Variants in MYO15A observed in about 807,000 individuals in gnomAD.
MYO15A encodes the protein myosin XVA.
Under a neutral mutation model 394.6 loss-of-function variants are expected in MYO15A, and 308 were observed. The ratio of observed to expected loss-of-function variants is 0.78; its 90% CI spans 0.71 to 0.86. MYO15A has a LOEUF of 0.86. MYO15A is among the 40% of genes least tolerant of loss of function. The pLI is 0.00. For missense variants in MYO15A, 4,606 were observed against 4,799.1 expected (o/e 0.96, Z 1.19); for synonymous variants, 1,957 against 2,003.8 (o/e 0.98, Z 0.62).
Position 18,149,584 on chromosome 17 carries a change from G to A in MYO15A, c.7212+4G>A. The A allele has an allele frequency of 6.2e-7, 1 of 1,613,848 alleles. No homozygotes were observed. The highest frequency in any genetic ancestry group is 1.3e-5 in the African/African-American group (1 of 75,038). ...TGTGCTGTCCTACGGGGATGCGGTAGGGATGGTGTGGGGTGGGTCATTTGC... is the reference window on the plus strand; with the variant it reads ...TGTGCTGTCCTACGGGGATGCGGTAAGGATGGTGTGGGGTGGGTCATTTGC... On this transcript the variant is annotated splice_donor_region_variant and intron_variant, in intron 35 of 65. Transcript: ENST00000647165.
Position 18,159,566 on chromosome 17 carries a change from G to C in MYO15A, c.9230-40G>C. 2.5e-6 allele frequency: 4 copies of C among 1,609,776 alleles called. No individual in the cohort carries two copies. In the South Asian group the frequency reaches 3.3e-5, roughly 13 times the overall value. On this transcript the variant is annotated intron_variant, in intron 54 of 65. Coordinates refer to ENST00000647165, the MANE Select transcript of MYO15A (RefSeq NM_016239.4). Reference sequence around the variant, plus strand: ...GCTTCCTGGGGTGGGTGGGCAACTGGGGGTTTGGTGGGTCTGAGTGGGATA... The same window carrying C: ...GCTTCCTGGGGTGGGTGGGCAACTGCGGGTTTGGTGGGTCTGAGTGGGATA...
rs1567652125 is a variant in MYO15A, at chr17:18,150,528, C to G, written c.7312C>G (p.Pro2438Ala). Residue 2438 changes from proline to alanine, a missense_variant, in exon 36 of 66, where the codon CCA becomes GCA. Physicochemically the swap from Pro to Ala is conservative, Grantham distance 27. Coordinates refer to ENST00000647165, the MANE Select transcript of MYO15A (RefSeq NM_016239.4). The surrounding 1 kb of genome is among the most constrained non-coding windows in gnomAD (Gnocchi z 4.4). Reference sequence around the variant, plus strand: ...TACTGAAGACACCCCCAGGAGACCCCCAGAGCCAAAGCCAAGTCAGTGCCT... The same window carrying G: ...TACTGAAGACACCCCCAGGAGACCCGCAGAGCCAAAGCCAAGTCAGTGCCT... ...SGTEDTPRRP[P>A]EPKPIPGLDA... is the part of the protein sequence containing the mutation. 1 of 1,614,046 alleles carries G rather than the reference C, an allele frequency of 6.2e-7. No homozygotes were observed. Among genetic ancestry groups the G allele is most frequent in the Non-Finnish European group, 8.5e-7 (1 of 1,180,012 alleles).
At chr17:18,149,086 G>T in intron 33 of MYO15A, 130 bp from the exon 34 acceptor site, 1 of 1,480,030 alleles carries the variant, frequency 6.8e-7, no homozygotes. Flanking sequence ...GGTTCTTAAG[G>T]AGGTAGAGTT....
chr17:18,119,769 G>A lies in MYO15A; in HGVS notation c.969G>A (p.Ser323=), dbSNP rs371387378. ...EPPYAPPSGY[S]SPYSYHDGYE... ...CATATGCGCCCCCGTCGGGGTACTC[G>A]TCTCCTTACAGCTACCACGATGGGT... Residue 323 remains serine, a synonymous_variant, in exon 2 of 66, where the codon TCG becomes TCA. Transcript: ENST00000647165. The A allele has an allele frequency of 1.5e-4, 250 of 1,612,956 alleles. 1 individual carries two copies. In the African/African-American group the frequency reaches 3.0e-3, roughly 19 times the overall value.
chr17:18,157,303 G>A (rs962311251), intron 50 of MYO15A, 73 bp downstream of exon 50: 13 of 1,543,892 alleles, frequency 8.4e-6, no homozygotes, highest in African/African-American at 2.7e-5. Context: ...CAGATGCACA[G>A]TGAGGGTTTC....
chr17:18,154,988 A>T, intron 45 of MYO15A, 122 bp from the exon 46 acceptor site: 1 of 1,047,094 alleles, frequency 9.6e-7, no homozygotes. Flanking sequence ...TCAGTTTTCT[A>T]GTATAGACAC....
chr17:18,122,625 GACGTGGGAA>G, intron 2 of MYO15A: 2 of 690,422 alleles, frequency 2.9e-6, no homozygotes, highest in Non-Finnish European at 2.3e-6. Flanking sequence ...CCAGGACAGA[GACGTGGGAA>G]ACTGCTTCCA....
chr17:18,163,353 A>G (rs1440067244), intron 59 of MYO15A, 32 bp downstream of exon 59: 1 of 1,605,838 alleles, frequency 6.2e-7, no homozygotes, highest in African/African-American at 1.3e-5. Context: ...GCAGCCAGGT[A>G]CTGGAGGGGC....
chr17:18,131,188 C>T, intron 8 of MYO15A, 51 bp from the exon 9 acceptor site: 1 of 1,550,712 alleles, frequency 6.4e-7, no homozygotes, highest in Non-Finnish European at 8.9e-7. Context: ...CACCCAGGCC[C>T]CCAGAACAGT....
At position 18,121,826 on chromosome 17, in the gene MYO15A, CT is replaced by C; in HGVS notation, c.3027del (p.Glu1010ArgfsTer48). On this transcript the variant is annotated frameshift_variant, in exon 2 of 66. Coordinates refer to ENST00000647165, the MANE Select transcript of MYO15A (RefSeq NM_016239.4). LOFTEE classifies it high-confidence loss of function. This position sits in a 1 kb window ranked among gnomAD's most constrained non-coding sequence, Gnocchi z 5.3. ...GQLTKSAGPT[P>X]EKPEEEATLG... ...CTCACCAAATCAGCTGGCCCAACCC[CT>C]GAGAAGCCTGAAGAAGAGGCCACCC... The C allele has an allele frequency of 6.2e-7, 1 of 1,612,882 alleles. No individual in the cohort carries two copies. The highest frequency in any genetic ancestry group is 8.5e-7 in the Non-Finnish European group (1 of 1,179,962).
At chr17:18,113,527 G>A (rs2045747446) in intron 1 of MYO15A, among the ~76,000 whole-genome samples, 1 of 152,134 alleles carries the variant, frequency 6.6e-6, no homozygotes, top group Admixed American at 6.5e-5. Context: ...GGGAGGATGA[G>A]GTGGGCAGAT....
chr17:18,174,555 A>G (rs2046987264), intron 65 of MYO15A, among the ~76,000 whole-genome samples: 1 of 152,168 alleles, frequency 6.6e-6, no homozygotes, highest in African/African-American at 2.4e-5. Flanking sequence ...GGCTGCAGTG[A>G]GCTGTGATGG....
At chr17:18,114,150 G>A (rs908066126) in intron 1 of MYO15A, among the ~76,000 whole-genome samples, 39 of 148,728 alleles carry the variant, frequency 2.6e-4, no homozygotes, top group African/African-American at 8.2e-4. Context: ...TATATAATCC[G>A]CACTCCATAC....
chr17:18,119,425 G>C lies in MYO15A; in HGVS notation c.625G>C (p.Glu209Gln). Residue 209 changes from glutamate (E) to glutamine (Q), a missense_variant, in exon 2 of 66, where the codon GAG (glutamate) becomes CAG (glutamine). Around this residue, in one of 2 missense-constraint regions of MYO15A, gnomAD observed 1,830 missense variants for 1,689.7 expected, o/e 1.08. Transcript: ENST00000647165. ...CGAGCCCCTGGGCTTCCTGCCCTTC[G>C]AGGACGAGGCCCCATTCCATCACTC... is the stretch of plus-strand genomic sequence containing the variant. ...SGEPLGFLPF[E>Q]DEAPFHHSGS... 6.2e-7 allele frequency: 1 copy of C among 1,612,264 alleles called. No homozygotes were observed. The highest frequency in any genetic ancestry group is 8.5e-7 in the Non-Finnish European group (1 of 1,179,942).
At chr17:18,154,063 G>C in intron 43 of MYO15A, 68 bp from the exon 44 acceptor site, 2 of 1,605,788 alleles carry the variant, frequency 1.2e-6, no homozygotes, top group Non-Finnish European at 8.5e-7. Flanking sequence ...CATTTAGGGG[G>C]CGGGGCCGGG....
At position 18,175,292 on chromosome 17, in the gene MYO15A, C is replaced by CTT. The variant is rs1182500584; in HGVS notation, c.10491+1386_10491+1387dup. On this transcript the variant is annotated intron_variant, in intron 65 of 65. Coordinates refer to ENST00000647165, the MANE Select transcript of MYO15A (RefSeq NM_016239.4). The stretch of plus-strand genomic sequence containing the variant: ...TCTGGTCTTTCCTCCTCTAGACTAT[C>CTT]TTTTTTTTTTTTTTTTGAGGCAAAG... Among the ~76,000 whole-genome samples, 19 of 91,292 alleles carry CTT rather than the reference C, an allele frequency of 2.1e-4. 3 individuals carry two copies. The highest frequency in any genetic ancestry group is 6.0e-4 in the Admixed American group (5 of 8,326). The allele number at this position is 91,292 out of a possible 152,430, so 59.9% of individuals were successfully genotyped here.
chr17:18,177,821 T>C (rs1306064388), intron 65 of MYO15A: 1 of 152,144 alleles, frequency 6.6e-6, no homozygotes, highest in African/African-American at 2.4e-5. Flanking sequence ...ACACTCAGAG[T>C]GCGCCTCTAA....
chr17:18,167,576 G>C lies in MYO15A; in HGVS notation c.9949-14G>C, dbSNP rs750638515. On this transcript the variant is annotated splice_polypyrimidine_tract_variant and intron_variant, in intron 61 of 65. Transcript: ENST00000647165. ...TGCCTGCCTGGCAGCCCCTCACCCAGGTGCTCCCTGCAGGTCCTGCCTGAC... is the reference window on the plus strand; with the variant it reads ...TGCCTGCCTGGCAGCCCCTCACCCACGTGCTCCCTGCAGGTCCTGCCTGAC... 1 of 1,601,282 alleles carries C rather than the reference G, an allele frequency of 6.2e-7. No homozygotes were observed. The highest frequency in any genetic ancestry group is 8.5e-7 in the Non-Finnish European group (1 of 1,179,838).
At chr17:18,129,773 G>A (rs1291323754) in intron 7 of MYO15A, among the ~76,000 whole-genome samples, 2 of 152,216 alleles carry the variant, frequency 1.3e-5, no homozygotes, top group Non-Finnish European at 2.9e-5. Context: ...CATTATCAGG[G>A]CAATGTGTCT....
Sources: gnomAD v4.1 joint callset for allele counts (sites outside exome capture counted in the v4.1 genomes callset) on GRCh38, gnomAD v4.1.1 for gene constraint, gnomAD v4.1.1 regional missense constraint, Gnocchi (gnomAD v3.1) non-coding constraint, MANE v1.5 for transcripts, NCBI Gene and HGNC (gene_info 2026-07-23, HGNC 2026-07-21) for gene names.